Variants in SRSF11 observed in about 807,000 individuals in gnomAD.
The protein encoded by SRSF11 is serine and arginine rich splicing factor 11.
SRSF11 carries 9 observed loss-of-function variants against 56.0 expected under a neutral mutation model. The observed-to-expected ratio is 0.16, with a 90% CI of 0.10 to 0.28. SRSF11 has a LOEUF of 0.28. Among genes scored for constraint, SRSF11 ranks in the 10% least tolerant of loss-of-function variants. SRSF11 has a pLI of 1.00. For synonymous variants in SRSF11, 222 were observed against 215.3 expected (o/e 1.03, Z -0.27); for missense variants, 421 against 600.7 (o/e 0.70, Z 3.13).
At chr1:70,246,973 C>T in intron 9 of SRSF11, 66 bp downstream of exon 9, 1 of 1,335,510 alleles carries the variant, frequency 7.5e-7, no homozygotes, top group Admixed American at 2.3e-5. Context: ...TATCAGTACG[C>T]TGTCAGTATG....
intron 1 of SRSF11, among the ~76,000 whole-genome samples, chr1:70,225,189 T>C (rs757381093): frequency 3.3e-5 from 5 of 152,230 alleles, no homozygotes; most frequent in Non-Finnish European, 5.9e-5. Context: ...GTCACAGTTA[T>C]GCAGTAACTT....
chr1:70,229,952 G>T, intron 2 of SRSF11: 1 of 985,330 alleles, frequency 1.0e-6, no homozygotes, highest in Non-Finnish European at 1.2e-6. Context: ...TTATGTCAGT[G>T]TGCCTGTTGT....
At position 70,249,907 on chromosome 1, in the gene SRSF11, A is replaced by G. The variant is rs770306901; in HGVS notation, c.1023-45A>G. 3.2e-6 allele frequency: 5 copies of G among 1,584,010 alleles called. No homozygotes were observed. The East Asian group carries it at 9.0e-5, about 28-fold the overall frequency. On this transcript the variant is annotated intron_variant, in intron 9 of 11. Coordinates refer to ENST00000370949, the MANE Select transcript of SRSF11 (RefSeq NM_001350605.2). ...TCTATGATGTGTCTGCATTTTTAAGATCACACTGTATTTTAAAACCTAGTT... is the reference window on the plus strand; with the variant it reads ...TCTATGATGTGTCTGCATTTTTAAGGTCACACTGTATTTTAAAACCTAGTT...
chr1:70,210,101 C>T (rs929051126), intron 1 of SRSF11, among the ~76,000 whole-genome samples: 8 of 151,882 alleles, frequency 5.3e-5, no homozygotes, highest in Non-Finnish European at 1.0e-4. Context: ...ACTTTTGAAT[C>T]GTGAAACAGC....
At position 70,235,501 on chromosome 1, in the gene SRSF11, T is replaced by A; in HGVS notation, c.541T>A (p.Ser181Thr). The A allele has an allele frequency of 3.1e-6, 5 of 1,606,312 alleles. No individual in the cohort carries two copies. In the East Asian group the frequency reaches 6.7e-5, roughly 22 times the overall value. ...GLPGANLNSQ[S>T]LAADQLLKLM... ...TTATTCTTATGTTTTATTTTTACAG[T>A]CTCTTGCTGCAGATCAGTTGCTGAA... The change falls in exon 5 of 12, where the codon TCT (serine) becomes ACT (threonine). Residue 181 changes from serine to threonine, a missense_variant and splice_region_variant. Ser to Thr is a moderately conservative substitution (Grantham distance 58, BLOSUM62 1). Transcript: ENST00000370949.
In SRSF11 at chr1:70,229,206, A is replaced by G. The variant is rs973441670; in HGVS notation, c.337+651A>G. The G allele has an allele frequency of 6.2e-6, 8 of 1,288,790 alleles. No individual in the cohort carries two copies. In the African/African-American group the frequency reaches 1.1e-4, roughly 17 times the overall value. The allele number at this position is 1,288,790 out of a possible 1,614,324, so 79.8% of individuals were successfully genotyped here. On this transcript the variant is annotated intron_variant, in intron 2 of 11. Coordinates refer to ENST00000370949, the MANE Select transcript of SRSF11 (RefSeq NM_001350605.2). ...TCTGTTATTTGTGTGTGTGATTTTT[A>G]TAGTGGAGAAGGCAAATGCAAAACC...
chr1:70,244,926 C>T, intron 8 of SRSF11, 111 bp downstream of exon 8: 4 of 1,004,610 alleles, frequency 4.0e-6, no homozygotes, highest in Non-Finnish European at 4.2e-6. Flanking sequence ...TAGGGCTAGA[C>T]AGGGGAAGAA....
intron 7 of SRSF11, 88 bp downstream of exon 7, chr1:70,239,608 C>A: frequency 9.9e-7 from 1 of 1,011,892 alleles, no homozygotes; most frequent in Non-Finnish European, 1.5e-6. Flanking sequence ...ATCTGTTATC[C>A]TCTGGTTAAA....
chr1:70,250,265 A>G, intron 10 of SRSF11, 100 bp from the exon 11 acceptor site: 1 of 1,532,066 alleles, frequency 6.5e-7, no homozygotes, highest in Non-Finnish European at 8.7e-7. Context: ...AAGGTTTTGA[A>G]GTTGGATCTT....
Position 70,239,617 on chromosome 1 carries a change from A to C in SRSF11, c.800+97A>C. 6.4e-6 allele frequency: 6 copies of C among 934,740 alleles called. No homozygotes were observed. The South Asian group carries it at 8.9e-5, about 14-fold the overall frequency. 57.9% of individuals were successfully genotyped at this position (934,740 alleles called of 1,614,324 possible). A position where few individuals can be genotyped will look rare whatever the true frequency, so the allele number is the denominator to read the frequency against. ...CTGTTAATCTGTTATCCTCTGGTTA[A>C]AGTGTTTTAGTAACCTCTGCTGTTA... On this transcript the variant is annotated intron_variant, in intron 7 of 11. Coordinates refer to ENST00000370949, the MANE Select transcript of SRSF11 (RefSeq NM_001350605.2).
chr1:70,246,821 C>G lies in SRSF11; in HGVS notation c.936C>G (p.Asp312Glu). The change falls in exon 9 of 12, where the codon GAC becomes GAG. Residue 312 changes from aspartate (D) to glutamate (E), a missense_variant. By Grantham distance (45) the Asp-to-Glu change is conservative (BLOSUM62 2). Around this residue, in one of 2 missense-constraint regions of SRSF11, gnomAD observed 253 missense variants for 305.8 expected, o/e 0.83. Coordinates refer to ENST00000370949, the MANE Select transcript of SRSF11 (RefSeq NM_001350605.2). The part of the protein sequence containing the change: ...RRSRSTSKTR[D>E]KKKEDKEKKR... ...ATAAATTGTGTTCATTTGTTAGAGA[C>G]AAAAAGAAAGAAGACAAAGAAAAGA... 6.3e-7 allele frequency: 1 copy of G among 1,598,718 alleles called. No homozygotes were observed. The highest frequency in any genetic ancestry group is 8.5e-7 in the Non-Finnish European group (1 of 1,172,820).
Position 70,249,929 on chromosome 1 carries a change from A to T in SRSF11, c.1023-23A>T, listed in dbSNP as rs1156630942. 3.1e-6 allele frequency: 5 copies of T among 1,611,396 alleles called. No homozygotes were observed. The Admixed American group carries it at 5.0e-5, about 16-fold the overall frequency. On this transcript the variant is annotated intron_variant, in intron 9 of 11. Transcript: ENST00000370949. ...AAGATCACACTGTATTTTAAAACCT[A>T]GTTTGCACATTTGTGATTCTAGAGA... is the stretch of plus-strand genomic sequence containing the variant.
intron 7 of SRSF11, among the ~76,000 whole-genome samples, chr1:70,242,607 T>C (rs906604487): frequency 1.3e-5 from 2 of 151,950 alleles, no homozygotes; most frequent in Non-Finnish European, 2.9e-5. Context: ...TCCAGCCCAG[T>C]TGTAGTATCA....
At chr1:70,225,898 T>C (rs1671669859) in intron 1 of SRSF11, among the ~76,000 whole-genome samples, 1 of 152,192 alleles carries the variant, frequency 6.6e-6, no homozygotes, top group Admixed American at 6.5e-5. Flanking sequence ...ATTTCAGGCA[T>C]CAGTCCTCTA....
chr1:70,239,245 C>G (rs569293054), intron 6 of SRSF11, among the ~76,000 whole-genome samples, 194 bp from the exon 7 acceptor site: 1 of 152,178 alleles, frequency 6.6e-6, no homozygotes, highest in African/African-American at 2.4e-5. Flanking sequence ...GCACACACCG[C>G]CATGCCCAGC....
chr1:70,221,105 C>T (rs1670506312), upstream of SRSF11: 1 of 152,474 alleles, frequency 6.6e-6, no homozygotes, highest in Non-Finnish European at 1.5e-5. Flanking sequence ...ACATCGTGAG[C>T]AGTATTTAAT....
At chr1:70,250,300 A>C (rs1377066630) in intron 10 of SRSF11, 65 bp from the exon 11 acceptor site, 2 of 1,584,806 alleles carry the variant, frequency 1.3e-6, no homozygotes, top group African/African-American at 2.7e-5. Flanking sequence ...TATCCTGTGA[A>C]ATTGAGTCAG....
At chr1:70,224,585 A>T (rs1360812111) in intron 1 of SRSF11, among the ~76,000 whole-genome samples, 1 of 152,148 alleles carries the variant, frequency 6.6e-6, no homozygotes. Context: ...TATTTTGGGG[A>T]AACATTTCTG....
upstream of SRSF11, chr1:70,221,258 T>C (rs1396771523): frequency 1.3e-5 from 3 of 233,618 alleles, no homozygotes; most frequent in Non-Finnish European, 2.5e-5. Flanking sequence ...GATAACACCT[T>C]TCTCTAGACC....
Sources: gnomAD v4.1 joint callset for allele counts (sites outside exome capture counted in the v4.1 genomes callset) on GRCh38, gnomAD v4.1.1 for gene constraint, gnomAD v4.1.1 regional missense constraint, MANE v1.5 for transcripts, NCBI Gene and HGNC (gene_info 2026-07-23, HGNC 2026-07-21) for gene names.